TEAD3: variants seen among roughly 807,000 people sequenced by gnomAD.
TEAD3 encodes transcriptional enhancer factor TEF-5.
A neutral mutation model predicts 55.6 loss-of-function variants in TEAD3; 15 were observed. The ratio of observed to expected loss-of-function variants is 0.27; its 90% CI spans 0.18 to 0.42. The LOEUF (loss-of-function observed/expected upper bound fraction) is 0.42, where lower values mean the gene tolerates loss of function less well. Among genes scored for constraint, TEAD3 ranks in the 10% least tolerant of loss-of-function variants. TEAD3 has a pLI of 1.00. For missense variants in TEAD3, 407 were observed against 576.8 expected, an observed-to-expected ratio of 0.71 and a Z score of 3.01; for synonymous variants, 210 against 232.2, an observed-to-expected ratio of 0.90 and a Z score of 0.87.
chr6:35,483,672 ACCTGTCACT>A lies in TEAD3; in HGVS notation c.267+879_267+887del, dbSNP rs1768308565. Among the ~76,000 whole-genome samples the A allele has an allele frequency of 6.6e-6, 1 of 151,914 alleles. No individual in the cohort carries two copies. Among genetic ancestry groups the A allele is most frequent in the Admixed American group, 6.6e-5 (1 of 15,242 alleles). On this transcript the variant is annotated intron_variant, in intron 3 of 12. Transcript: ENST00000639578. The surrounding 1 kb of genome is among the most constrained non-coding windows in gnomAD (Gnocchi z 4.5). ...TTGAGGGCCTTCCTCAACAGCTGCC[ACCTGTCACT>A]CCCTGCTCCATACCCTCCTGTAGCC...
rs1768341858 is a variant in TEAD3, at chr6:35,484,879, G to C, written c.203-255C>G. Among the ~76,000 whole-genome samples, 1 of 152,192 alleles carries C rather than the reference G, an allele frequency of 6.6e-6. No homozygotes were observed. The stretch of plus-strand genomic sequence containing the variant: ...GTGCATGAGGGGCTGCAGGGTAGGA[G>C]GAAGGAGGGCCGAGCAGCACTAGGC... On this transcript the variant is annotated intron_variant, in intron 2 of 12. Coordinates refer to ENST00000639578, the Ensembl canonical transcript of TEAD3. The surrounding 1 kb of genome is among the most constrained non-coding windows in gnomAD (Gnocchi z 5.8).
chr6:35,490,534 G>A (rs1581729435), intron 1 of TEAD3, among the ~76,000 whole-genome samples: 1 of 152,356 alleles, frequency 6.6e-6, no homozygotes, highest in African/African-American at 2.4e-5. Flanking sequence ...CAGAGGGGCT[G>A]TGCGAGTGCT....
At chr6:35,493,530 A>G (rs1768577797) in intron 1 of TEAD3, among the ~76,000 whole-genome samples, 1 of 152,172 alleles carries the variant, frequency 6.6e-6, no homozygotes, top group Admixed American at 6.5e-5. Context: ...TGTCACCCAC[A>G]CACCGCATAC....
At position 35,496,692 on chromosome 6, in the gene TEAD3, T is replaced by TGGGGAGGGCGGGGGGC. The variant is rs931388729; in HGVS notation, c.-50+190_-50+205dup. ...CCAACTCGTCCCCGTCGCGGGGGGG[T>TGGGGAGGGCGGGGGGC]GGGGAGGGCGGGGGGCGGGGCTTCC... On this transcript the variant is annotated intron_variant, in intron 1 of 12. Transcript: ENST00000639578. This position sits in a 1 kb window ranked among gnomAD's most constrained non-coding sequence, Gnocchi z 4.8. 4.6e-5 allele frequency among the ~76,000 whole-genome samples: 7 copies of TGGGGAGGGCGGGGGGC among 150,562 alleles called. No homozygotes were observed. The highest frequency in any genetic ancestry group is 1.0e-4 in the Non-Finnish European group (7 of 67,562).
At chr6:35,494,186 A>C (rs949015074) in intron 1 of TEAD3, among the ~76,000 whole-genome samples, 3 of 152,284 alleles carry the variant, frequency 2.0e-5, no homozygotes, top group East Asian at 1.9e-4. Flanking sequence ...CTTCTCTCAC[A>C]CACATCCAGC....
rs1250041902 is a variant in TEAD3 at position 35,496,592 on chromosome 6, AC to A, written c.-50+305del. On this transcript the variant is annotated intron_variant, in intron 1 of 12. Transcript: ENST00000639578. This position sits in a 1 kb window ranked among gnomAD's most constrained non-coding sequence, Gnocchi z 4.8. ...GTGCGGCCCCCGGATCCCCGCCCCG[AC>A]CCCCCAAGCACGGACGGCGGGACAG... Among the ~76,000 whole-genome samples the A allele has an allele frequency of 6.6e-6, 1 of 151,298 alleles. No individual in the cohort carries two copies. The highest frequency in any genetic ancestry group is 1.5e-5 in the Non-Finnish European group (1 of 67,804).
Position 35,482,336 on chromosome 6 carries a change from C to T in TEAD3, c.268-2214G>A, listed in dbSNP as rs562739973. On this transcript the variant is annotated intron_variant, in intron 3 of 12. Coordinates refer to ENST00000639578, the Ensembl canonical transcript of TEAD3. ...CTCTTTTTAACACATAAAGACATGCCTTGTCCTCACAACCAGAGGACAGAT... is the reference window on the plus strand; with the variant it reads ...CTCTTTTTAACACATAAAGACATGCTTTGTCCTCACAACCAGAGGACAGAT... Among the ~76,000 whole-genome samples the T allele has an allele frequency of 2.6e-5, 4 of 152,324 alleles. No homozygotes were observed. The South Asian group carries it at 6.2e-4, about 24-fold the overall frequency.
chr6:35,490,356 G>T (rs1674580473), intron 1 of TEAD3, among the ~76,000 whole-genome samples: 1 of 152,144 alleles, frequency 6.6e-6, no homozygotes, highest in Non-Finnish European at 1.5e-5. Flanking sequence ...GGGGAGGGGG[G>T]ACGGCCCAAA....
In TEAD3 at chr6:35,484,933, C is replaced by T. The variant is rs1337917478; in HGVS notation, c.203-309G>A. On this transcript the variant is annotated intron_variant, in intron 2 of 12. Coordinates refer to ENST00000639578, the Ensembl canonical transcript of TEAD3. This position sits in a 1 kb window ranked among gnomAD's most constrained non-coding sequence, Gnocchi z 5.8. ...CTGACAGGCTTCCCTGCAGACAGAC[C>T]GGGTGGCTGTGGTACAGGTCAGCAG... Among the ~76,000 whole-genome samples, 1 of 152,142 alleles carries T rather than the reference C, an allele frequency of 6.6e-6. No homozygotes were observed. The highest frequency in any genetic ancestry group is 6.5e-5 in the Admixed American group (1 of 15,278).
At chr6:35,487,143 G>A (rs999458145) in intron 1 of TEAD3, among the ~76,000 whole-genome samples, 8 of 152,332 alleles carry the variant, frequency 5.3e-5, no homozygotes, top group South Asian at 4.1e-4. Flanking sequence ...AAACTAGGCC[G>A]GCGCGATGGC....
chr6:35,493,549 T>C (rs963433492), intron 1 of TEAD3, among the ~76,000 whole-genome samples: 1 of 152,220 alleles, frequency 6.6e-6, no homozygotes, highest in Non-Finnish European at 1.5e-5. Flanking sequence ...ACCATATTCA[T>C]GCTTGGCACA....
downstream of TEAD3, chr6:35,474,182 GC>G (rs1472482408): frequency 6.7e-6 from 1 of 150,164 alleles, no homozygotes; most frequent in African/African-American, 2.6e-5. Flanking sequence ...TCTGGAGGGT[GC>G]TGGGGGGTGC....
intron 1 of TEAD3, among the ~76,000 whole-genome samples, chr6:35,490,075 A>T (rs1466133895): frequency 6.6e-6 from 1 of 151,960 alleles, no homozygotes; most frequent in Non-Finnish European, 1.5e-5. Flanking sequence ...GCCCCTCTTA[A>T]CCCCTTTCCC....
chr6:35,487,149 A>T (rs1297767588), intron 1 of TEAD3, among the ~76,000 whole-genome samples: 1 of 152,194 alleles, frequency 6.6e-6, no homozygotes, highest in African/African-American at 2.4e-5. Context: ...GGCCGGCGCG[A>T]TGGCTCATGC....
intron 7 of TEAD3, 39 bp from the exon 8 acceptor site, chr6:35,477,411 T>C: frequency 6.4e-7 from 1 of 1,568,908 alleles, no homozygotes; most frequent in Admixed American, 1.8e-5. Context: ...GGGTTCCCTC[T>C]TCCCTACCTT....
rs1171231591 is a variant in TEAD3 at position 35,488,922 on chromosome 6, T to C, written c.-49-2211A>G. Among the ~76,000 whole-genome samples the C allele has an allele frequency of 2.6e-5, 4 of 152,026 alleles. No homozygotes were observed. In the East Asian group the frequency reaches 7.8e-4, roughly 29 times the overall value. On this transcript the variant is annotated intron_variant, in intron 1 of 12. Coordinates refer to ENST00000639578, the Ensembl canonical transcript of TEAD3. The surrounding 1 kb of genome is among the most constrained non-coding windows in gnomAD (Gnocchi z 4.2). The stretch of plus-strand genomic sequence containing the variant: ...ACAGGCGCATGCCACCATGCCCAGA[T>C]AATTTTTTGTATTTTTAGTAAAGAC...
Position 35,484,757 on chromosome 6 carries a change from C to T in TEAD3, c.203-133G>A. 1.3e-6 allele frequency: 1 copy of T among 798,942 alleles called. No individual in the cohort carries two copies. Among genetic ancestry groups the T allele is most frequent in the Non-Finnish European group, 2.1e-6 (1 of 484,240 alleles). The allele number at this position is 798,942 out of a possible 1,614,324, so 49.5% of individuals were successfully genotyped here. On this transcript the variant is annotated intron_variant, in intron 2 of 12. Coordinates refer to ENST00000639578, the Ensembl canonical transcript of TEAD3. This position sits in a 1 kb window ranked among gnomAD's most constrained non-coding sequence, Gnocchi z 5.8. ...CTCTTCTGTTCCTCACTCTCTTCAC[C>T]CCAAGCTGCACATGCAGGGCATGCA...
At chr6:35,481,753 C>T (rs1341411979) in intron 3 of TEAD3, among the ~76,000 whole-genome samples, 1 of 152,172 alleles carries the variant, frequency 6.6e-6, no homozygotes, top group East Asian at 1.9e-4. Flanking sequence ...CGGTCTGACT[C>T]CAGAGCCCAC....
chr6:35,489,619 G>T (rs7740758), intron 1 of TEAD3, among the ~76,000 whole-genome samples: 39,134 of 152,074 alleles, frequency 0.26, 5,985 homozygotes, highest in African/African-American at 0.42. Flanking sequence ...CCTGTCAGAG[G>T]GGCCAGATGC....
Sources: allele counts gnomAD v4.1 joint callset (sites outside exome capture counted in the v4.1 genomes callset), GRCh38; gene constraint gnomAD v4.1.1; non-coding constraint Gnocchi (gnomAD v3.1); transcripts MANE v1.5; gene names NCBI Gene and HGNC (gene_info 2026-07-23, HGNC 2026-07-21).